The following MACF1 variants were observed in gnomAD, a reference collection of about 807,000 sequenced individuals.
MACF1 encodes microtubule-actin cross-linking factor 1.
A neutral mutation model predicts 854.8 loss-of-function variants in MACF1; 193 were observed. The ratio of observed to expected loss-of-function variants is 0.23; its 90% CI spans 0.20 to 0.25. The LOEUF (loss-of-function observed/expected upper bound fraction) is 0.25. Ranked by LOEUF, MACF1 falls within the 10% of genes least tolerant of loss-of-function variation. MACF1 has a pLI of 1.00. For missense variants in MACF1, 7,722 were observed against 8,929.1 expected (o/e 0.86, Z 5.45); for synonymous variants, 3,185 against 3,226.7 (o/e 0.99, Z 0.44).
rs59572260 is a variant in MACF1 at position 39,116,386 on chromosome 1, ATGTG to A, written c.220+31963_220+31966del. Among the ~76,000 whole-genome samples, 45 of 150,382 alleles carry A rather than the reference ATGTG, an allele frequency of 3.0e-4. No individual in the cohort carries two copies. The East Asian group carries it at 7.9e-3, about 26-fold the overall frequency. On this transcript the variant is annotated intron_variant, in intron 2 of 93. Transcript: ENST00000361689. ...GGAAGGAAAGAAGGGGTGAGTGTGTATGTGTGTGTGTGTGTGTGCACGTGTGTGT... is the reference window on the plus strand; with the variant it reads ...GGAAGGAAAGAAGGGGTGAGTGTGTATGTGTGTGTGTGTGCACGTGTGTGT...
At chr1:39,354,835 C>T (rs1424253353) in intron 44 of MACF1, among the ~76,000 whole-genome samples, 2 of 152,174 alleles carry the variant, frequency 1.3e-5, no homozygotes, top group African/African-American at 2.4e-5. Flanking sequence ...AACAAAAAAG[C>T]AGAAGTCACT....
At position 39,285,313 on chromosome 1, in the gene MACF1, C is replaced by G; in HGVS notation, c.1276C>G (p.Gln426Glu). 1.2e-6 allele frequency: 2 copies of G among 1,614,144 alleles called. No individual in the cohort carries two copies. Among genetic ancestry groups the G allele is most frequent in the Non-Finnish European group, 1.7e-6 (2 of 1,180,016 alleles). The part of the protein sequence containing the change: ...PAVERLELLL[Q>E]IANKIQNGAL... ...TTATTTCAGGCTGGAATTGCTGCTACAGATTGCAAACAAAATCCAGAATGG... is the reference window on the plus strand; with the variant it reads ...TTATTTCAGGCTGGAATTGCTGCTAGAGATTGCAAACAAAATCCAGAATGG... Residue 426 changes from glutamine to glutamate, a missense_variant, in exon 13 of 101, where the codon CAG becomes GAG. Gln to Glu is a conservative substitution (Grantham distance 29). Coordinates refer to ENST00000564288, the MANE Select transcript of MACF1 (RefSeq NM_001394062.1).
At chr1:39,385,384 T>C (rs1268251331) in intron 56 of MACF1, 50 bp from the exon 57 acceptor site, 3 of 1,588,598 alleles carry the variant, frequency 1.9e-6, no homozygotes, top group Non-Finnish European at 2.6e-6. Context: ...TGCTTTTAGA[T>C]AGATCTGTTT....
chr1:39,433,113 A>T lies in MACF1; in HGVS notation c.17523A>T (p.Glu5841Asp). ...ATGAACTCTTCAGTCACCGTAGTGA[A>T]ATCTTTGGCACATGTGGGGAGGAGC... is the stretch of plus-strand genomic sequence containing the variant. ...SMDELFSHRS[E>D]IFGTCGEEQK... The change falls in exon 68 of 101, where the codon GAA (glutamate) becomes GAT (aspartate). Residue 5841 changes from glutamate to aspartate, a missense_variant. Glu to Asp is a conservative substitution (Grantham distance 45). Around this residue, in one of 15 missense-constraint regions of MACF1, gnomAD observed 2,807 missense variants for 3,235.8 expected, o/e 0.87. Transcript: ENST00000564288. 6.2e-7 allele frequency: 1 copy of T among 1,612,608 alleles called. No individual in the cohort carries two copies. Among genetic ancestry groups the T allele is most frequent in the Non-Finnish European group, 8.5e-7 (1 of 1,179,136 alleles).
In MACF1 at chr1:39,452,441, G is replaced by A; in HGVS notation, c.20613+91G>A. The A allele has an allele frequency of 1.2e-5, 16 of 1,333,042 alleles. 1 individual carries two copies. The South Asian group carries it at 2.0e-4, about 17-fold the overall frequency. The allele number at this position is 1,333,042 out of a possible 1,614,324, so 82.6% of individuals were successfully genotyped here. A position where few individuals can be genotyped will look rare whatever the true frequency, so the allele number is the denominator to read the frequency against. The stretch of plus-strand genomic sequence containing the variant: ...ACTAGAATCTGTTCCAGTCAGTCTT[G>A]AAATAAGTATAACAGAGTTGAAAAT... On this transcript the variant is annotated intron_variant, in intron 86 of 100. Coordinates refer to ENST00000564288, the MANE Select transcript of MACF1 (RefSeq NM_001394062.1).
At chr1:39,100,056 T>G (rs1642030571) in intron 2 of MACF1, among the ~76,000 whole-genome samples, 2 of 152,026 alleles carry the variant, frequency 1.3e-5, no homozygotes, top group Admixed American at 6.6e-5. Context: ...TCTCTACAAA[T>G]AGCACAAAAA....
intron 57 of MACF1, 63 bp downstream of exon 57, chr1:39,385,992 TTAGG>T (rs1641757135): frequency 2.0e-6 from 3 of 1,505,952 alleles, no homozygotes; most frequent in Non-Finnish European, 2.7e-6. Context: ...AAGGAATGGG[TTAGG>T]AGTAGTCCCA....
intron 27 of MACF1, 133 bp from the exon 28 acceptor site, chr1:39,316,258 C>T (rs2148445279): frequency 1.5e-6 from 1 of 675,878 alleles, no homozygotes; most frequent in Middle Eastern, 4.6e-4. Context: ...TCACAAAACC[C>T]TGTCAACATC....
intron 6 of MACF1, among the ~76,000 whole-genome samples, chr1:39,270,791 G>GATAT (rs56658816): frequency 0.16 from 24,311 of 152,094 alleles, 2,405 homozygotes; most frequent in Middle Eastern, 0.22. Context: ...GCAGAGCAGG[G>GATAT]ATATGGTCTA....
intron 2 of MACF1, among the ~76,000 whole-genome samples, chr1:39,193,855 C>CT: frequency 6.7e-6 from 1 of 150,246 alleles, no homozygotes; most frequent in Non-Finnish European, 1.5e-5. Context: ...TTCTTTTTTT[C>CT]TTTTTTTGAG....
intron 98 of MACF1, 89 bp from the exon 99 acceptor site, chr1:39,480,831 T>C: frequency 2.9e-6 from 2 of 692,566 alleles, no homozygotes; most frequent in Non-Finnish European, 5.1e-6. Flanking sequence ...TTTAGTATCT[T>C]CTATTTATTT....
rs566587764 is a variant in MACF1, at chr1:39,424,106, G to A, written c.16228G>A (p.Ala5410Thr). Residue 5410 changes from alanine (A) to threonine (T), a missense_variant, in exon 61 of 101, where the codon GCA becomes ACA. Physicochemically the swap from Ala to Thr is moderately conservative, Grantham distance 58 (BLOSUM62 0). Transcript: ENST00000564288. ...AGAAGGAGGCAGAATAGCCCAGTCA[G>A]CAGAGCTGGCTGATAGAGAGAAAAT... The part of the protein sequence containing the change: ...QAEGGRIAQS[A>T]ELADREKITG... 1 of 1,613,108 alleles carries A rather than the reference G, an allele frequency of 6.2e-7. No individual in the cohort carries two copies. The highest frequency in any genetic ancestry group is 1.3e-5 in the African/African-American group (1 of 74,684).
At chr1:39,241,129 A>G (rs1021410907) in intron 2 of MACF1, among the ~76,000 whole-genome samples, 1 of 148,922 alleles carries the variant, frequency 6.7e-6, no homozygotes, top group African/African-American at 2.5e-5. Flanking sequence ...TTCTGTTTTT[A>G]CAATTTGGAG....
chr1:39,107,227 T>C (rs1242289376), intron 2 of MACF1, among the ~76,000 whole-genome samples: 2 of 152,112 alleles, frequency 1.3e-5, no homozygotes, highest in African/African-American at 2.4e-5. Context: ...TGGATGGTAG[T>C]ACTGGTGACC....
chr1:39,171,730 A>G (rs543758266), intron 2 of MACF1, among the ~76,000 whole-genome samples: 55 of 152,108 alleles, frequency 3.6e-4, no homozygotes, highest in Non-Finnish European at 7.5e-4. Flanking sequence ...GGTTCACGCC[A>G]TTCTCCTGCC....
intron 2 of MACF1, among the ~76,000 whole-genome samples, chr1:39,134,464 A>G (rs371955342): frequency 1.3e-5 from 2 of 151,964 alleles, no homozygotes; most frequent in East Asian, 3.8e-4. Flanking sequence ...AGGGGTTTTC[A>G]GTTTTCTTTT....
At chr1:39,247,626 A>C (rs986412029) in intron 2 of MACF1, among the ~76,000 whole-genome samples, 69 of 152,330 alleles carry the variant, frequency 4.5e-4, no homozygotes, top group Non-Finnish European at 1.2e-4. Context: ...TGTATTGGGA[A>C]TATTTACATC....
chr1:39,095,944 G>A (rs1045827996), intron 2 of MACF1, among the ~76,000 whole-genome samples: 3 of 152,074 alleles, frequency 2.0e-5, no homozygotes, highest in Non-Finnish European at 4.4e-5. Context: ...CAAGGCAGGA[G>A]AATCACTTGA....
rs200805954 is a variant in MACF1, at chr1:39,239,284, A to C, written c.171+8041A>C. Among the ~76,000 whole-genome samples the C allele has an allele frequency of 1.1e-4, 16 of 150,750 alleles. No homozygotes were observed. In the East Asian group the frequency reaches 1.2e-3, roughly 11 times the overall value. On this transcript the variant is annotated intron_variant, in intron 2 of 100. Transcript: ENST00000564288. The stretch of plus-strand genomic sequence containing the variant: ...TGACAGAGCGAGACTCTGTCTCAAA[A>C]AAACAAACAAACAAACAAACAAACA...
Sources: gnomAD v4.1 joint callset for allele counts (sites outside exome capture counted in the v4.1 genomes callset) on GRCh38, gnomAD v4.1.1 for gene constraint, gnomAD v4.1.1 regional missense constraint, MANE v1.5 for transcripts, NCBI Gene and HGNC (gene_info 2026-07-23, HGNC 2026-07-21) for gene names.